The following TMEM260 variants were observed in gnomAD, a reference collection of about 807,000 sequenced individuals.
The protein encoded by TMEM260 is transmembrane protein 260.
A neutral mutation model predicts 88.9 loss-of-function variants in TMEM260; 82 were observed. That is an observed-to-expected ratio of 0.92 (90% confidence interval 0.77 to 1.11). The LOEUF (loss-of-function observed/expected upper bound fraction) is 1.11. Among genes scored for constraint, TMEM260 ranks in the 50% least tolerant of loss-of-function variants. TMEM260 has a pLI of 0.00. For synonymous variants in TMEM260, 314 were observed against 309.3 expected, an observed-to-expected ratio of 1.02 and a Z score of -0.16; for missense variants, 902 against 853.4, an observed-to-expected ratio of 1.06 and a Z score of -0.71.
At position 56,623,666 on chromosome 14, in the gene TMEM260, C is replaced by G. The variant is rs778999410; in HGVS notation, c.1399-1716C>G. Among the ~76,000 whole-genome samples the G allele has an allele frequency of 5.9e-5, 9 of 152,204 alleles. No individual in the cohort carries two copies. In the South Asian group the frequency reaches 1.0e-3, roughly 18 times the overall value. ...CACATAGCAAGGTTATTTTGAGAAC[C>G]AAATGAGGAACAGTAAAGTCCATAG... On this transcript the variant is annotated intron_variant, in intron 11 of 15. Coordinates refer to ENST00000261556, the MANE Select transcript of TMEM260 (RefSeq NM_017799.4).
At chr14:56,618,428 A>G (rs1423196170) in intron 9 of TMEM260, among the ~76,000 whole-genome samples, 166 bp from the exon 10 acceptor site, 1 of 152,248 alleles carries the variant, frequency 6.6e-6, no homozygotes, top group Admixed American at 6.5e-5. Context: ...TGAAAATAGA[A>G]AAATAAAATG....
rs376818032 is a variant in TMEM260, at chr14:56,585,852, A to G, written c.284A>G (p.Asn95Ser). 62 of 1,613,402 alleles carry G rather than the reference A, an allele frequency of 3.8e-5. No homozygotes were observed. The highest frequency in any genetic ancestry group is 3.1e-4 in the East Asian group (14 of 44,858). Reference sequence around the variant, plus strand: ...TTTGGTTCAATTGCCTACCGCGTCAATCTTCTCTGTGGCTTATTTGGAGCA... The same window carrying G: ...TTTGGTTCAATTGCCTACCGCGTCAGTCTTCTCTGTGGCTTATTTGGAGCA... ...FPFGSIAYRV[N>S]LLCGLFGAVA... The change falls in exon 3 of 16, where the codon AAT (asparagine) becomes AGT (serine). Residue 95 changes from asparagine to serine, a missense_variant. By Grantham distance (46) the Asn-to-Ser change is conservative. Transcript: ENST00000261556.
At chr14:56,583,411 T>C (rs1193926901) in intron 1 of TMEM260, among the ~76,000 whole-genome samples, 1 of 152,082 alleles carries the variant, frequency 6.6e-6, no homozygotes, top group African/African-American at 2.4e-5. Context: ...AAGACTGGGG[T>C]GTCTTAGTAG....
the TMEM260 span, among the ~76,000 whole-genome samples, chr14:56,661,347 C>G: frequency 1.3e-5 from 2 of 152,204 alleles, no homozygotes; most frequent in African/African-American, 2.4e-5. Context: ...AAGCCTGCTT[C>G]TGGGTAGGGA....
downstream of TMEM260, among the ~76,000 whole-genome samples, chr14:56,655,386 C>CAA (rs113654913): frequency 2.2e-3 from 206 of 94,486 alleles, 1 homozygote; most frequent in African/African-American, 6.3e-3. Flanking sequence ...GACTCCATCT[C>CAA]AAAAAAAAAA....
intron 13 of TMEM260, 141 bp from the exon 14 acceptor site, chr14:56,634,758 C>A: frequency 1.5e-6 from 1 of 680,870 alleles, no homozygotes; most frequent in Non-Finnish European, 2.5e-6. Flanking sequence ...AGGAGAATCA[C>A]TTGAACCCAG....
intron 3 of TMEM260, among the ~76,000 whole-genome samples, chr14:56,596,741 C>T: frequency 9.6e-6 from 1 of 103,938 alleles, no homozygotes; most frequent in South Asian, 2.9e-4. Context: ...CCAGCCTGGG[C>T]AATGAACAAA....
intron 3 of TMEM260, among the ~76,000 whole-genome samples, chr14:56,590,714 A>G (rs1885801238): frequency 6.6e-6 from 1 of 152,240 alleles, no homozygotes. Flanking sequence ...AGCTCTGATT[A>G]ATAGCAGTGC....
intron 11 of TMEM260, among the ~76,000 whole-genome samples, chr14:56,624,431 T>A (rs11627740): frequency 3.0e-4 from 46 of 151,958 alleles, no homozygotes; most frequent in African/African-American, 9.9e-4. Context: ...AAAATTATTC[T>A]GGTGTAGTGT....
intron 12 of TMEM260, among the ~76,000 whole-genome samples, chr14:56,628,120 T>C (rs1006332825): frequency 6.6e-5 from 10 of 152,244 alleles, no homozygotes; most frequent in Non-Finnish European, 1.0e-4. Context: ...TTTCATTGTA[T>C]GGATGTACTG....
Position 56,615,929 on chromosome 14 carries a change from GA to G in TMEM260, c.858-14del. 6.3e-7 allele frequency: 1 copy of G among 1,582,426 alleles called. No homozygotes were observed. Among genetic ancestry groups the G allele is most frequent in the Non-Finnish European group, 8.7e-7 (1 of 1,151,776 alleles). On this transcript the variant is annotated splice_polypyrimidine_tract_variant and intron_variant, in intron 7 of 15. Transcript: ENST00000261556. ...TTTGTTTCCTGCCAACAATAAGTTA[GA>G]TTGTTTTTTGCAGTTCTCAAGTAAC...
In TMEM260 at chr14:56,647,110, CA is replaced by C; in HGVS notation, c.1870-131del. 4.2e-6 allele frequency: 4 copies of C among 947,578 alleles called. No individual in the cohort carries two copies. The South Asian group carries it at 5.3e-5, about 13-fold the overall frequency. 58.7% of individuals were successfully genotyped at this position (947,578 alleles called of 1,614,324 possible). The stretch of plus-strand genomic sequence containing the variant: ...TTCTTGGGTTCTCTGCATGGCTTAG[CA>C]ATGATTAGATTTTTACTGGAGGCTG... On this transcript the variant is annotated intron_variant, in intron 15 of 15. Coordinates refer to ENST00000261556, the MANE Select transcript of TMEM260 (RefSeq NM_017799.4).
intron 12 of TMEM260, among the ~76,000 whole-genome samples, chr14:56,627,094 G>T (rs1040027824): frequency 4.6e-5 from 7 of 151,802 alleles, no homozygotes; most frequent in African/African-American, 1.7e-4. Context: ...CTATTTTTGG[G>T]ATATTCTGTT....
intron 3 of TMEM260, among the ~76,000 whole-genome samples, chr14:56,596,546 C>T (rs1395277054): frequency 1.3e-5 from 2 of 150,234 alleles, no homozygotes; most frequent in Non-Finnish European, 3.0e-5. Context: ...GCGGGTGGAT[C>T]ACCTGAGGTC....
chr14:56,640,979 A>G (rs934206664), intron 15 of TMEM260, among the ~76,000 whole-genome samples: 1 of 152,204 alleles, frequency 6.6e-6, no homozygotes, highest in Non-Finnish European at 1.5e-5. Context: ...CCTCCAAGAA[A>G]TATGGGACTA....
chr14:56,595,308 T>G (rs1886136820), intron 3 of TMEM260, among the ~76,000 whole-genome samples: 1 of 152,122 alleles, frequency 6.6e-6, no homozygotes, highest in Non-Finnish European at 1.5e-5. Context: ...AGCTCCAATA[T>G]GTAGTGTCTT....
At position 56,593,756 on chromosome 14, in the gene TMEM260, C is replaced by T. The variant is rs545917840; in HGVS notation, c.344+7844C>T. On this transcript the variant is annotated intron_variant, in intron 3 of 15. Transcript: ENST00000261556. The stretch of plus-strand genomic sequence containing the variant: ...AGGCTGGAGTGCAGTGGCGGAATCT[C>T]GGCTCACTGCAAGCTCCGCTTCCCG... Among the ~76,000 whole-genome samples the T allele has an allele frequency of 6.7e-3, 879 of 130,574 alleles. 11 individuals carry two copies. The highest frequency in any genetic ancestry group is 0.024 in the African/African-American group (832 of 35,118). The allele number at this position is 130,574 out of a possible 152,430, so 85.7% of individuals were successfully genotyped here. A position where few individuals can be genotyped will look rare whatever the true frequency, so the allele number is the denominator to read the frequency against.
rs77235022 is a variant in TMEM260, at chr14:56,604,254, G to A, written c.522+262G>A. Among the ~76,000 whole-genome samples, 1,116 of 152,116 alleles carry A rather than the reference G, an allele frequency of 7.3e-3. 10 individuals carry two copies. The highest frequency in any genetic ancestry group is 0.025 in the African/African-American group (1,044 of 41,486). ...GATTATAAAATCCCCTGTGTGTCCG[G>A]TGGGAAAGATAGGCTTGTTGCTTAA... On this transcript the variant is annotated intron_variant, in intron 4 of 15. Transcript: ENST00000261556.
intron 15 of TMEM260, among the ~76,000 whole-genome samples, chr14:56,644,299 C>A (rs1166779673): frequency 6.6e-6 from 1 of 152,050 alleles, no homozygotes; most frequent in Non-Finnish European, 1.5e-5. Context: ...GTACTGGTAC[C>A]AAAACAATAT....
Sources: gnomAD v4.1 joint callset for allele counts (sites outside exome capture counted in the v4.1 genomes callset) on GRCh38, gnomAD v4.1.1 for gene constraint, MANE v1.5 for transcripts, NCBI Gene and HGNC (gene_info 2026-07-23, HGNC 2026-07-21) for gene names.